Variants in LIN7A observed in about 807,000 individuals in gnomAD.
The protein encoded by LIN7A is protein lin-7 homolog A.
In LIN7A, 25 loss-of-function variants were observed where a neutral mutation model predicts 29.8. That is an observed-to-expected ratio of 0.84 (90% CI 0.61 to 1.17). LIN7A has a LOEUF of 1.17. Among genes scored for constraint, LIN7A ranks in the 50% most tolerant of loss-of-function variants. The pLI, the probability that LIN7A is intolerant of heterozygous loss-of-function variation, is 0.00. For missense variants in LIN7A, 239 were observed against 287.0 expected (o/e 0.83, Z 1.21); for synonymous variants, 118 against 107.5 (o/e 1.10, Z -0.60).
intron 3 of LIN7A, 118 bp downstream of exon 3, chr12:80,848,133 C>T (rs771043383): frequency 3.9e-6 from 3 of 767,650 alleles, no homozygotes; most frequent in Admixed American, 2.0e-5. Flanking sequence ...CTCTGGGCTG[C>T]CACTGATGTC....
chr12:80,801,836 G>A (rs76890969), intron 5 of LIN7A, among the ~76,000 whole-genome samples: 2,425 of 150,708 alleles, frequency 0.016, 62 homozygotes, highest in African/African-American at 0.056. Context: ...TTCTTTCCCC[G>A]ATCACCCTTC....
intron 2 of LIN7A, among the ~76,000 whole-genome samples, chr12:80,876,078 C>A (rs2400845): frequency 6.7e-6 from 1 of 148,376 alleles, no homozygotes. Context: ...CACACACACA[C>A]ACAGAGAGAG....
At chr12:80,849,153 A>G (rs1040238913) in intron 2 of LIN7A, among the ~76,000 whole-genome samples, 14 of 152,142 alleles carry the variant, frequency 9.2e-5, no homozygotes, top group Non-Finnish European at 5.9e-5. Flanking sequence ...TTAGCTCTGA[A>G]TCTCCACTTA....
intron 4 of LIN7A, among the ~76,000 whole-genome samples, chr12:80,836,385 G>C (rs545924268): frequency 6.6e-6 from 1 of 152,304 alleles, no homozygotes; most frequent in Admixed American, 6.5e-5. Flanking sequence ...TCCTGGCATG[G>C]TGGCTCAACA....
At chr12:80,901,030 T>C (rs1592936499) in intron 1 of LIN7A, among the ~76,000 whole-genome samples, 1 of 152,156 alleles carries the variant, frequency 6.6e-6, no homozygotes, top group East Asian at 1.9e-4. Flanking sequence ...CTGGGGAAGA[T>C]ATTTTAAAGT....
chr12:80,882,499 TG>T (rs1457615093), intron 2 of LIN7A, among the ~76,000 whole-genome samples: 33 of 151,128 alleles, frequency 2.2e-4, no homozygotes, highest in East Asian at 1.8e-3. Flanking sequence ...TTAGCCGGGA[TG>T]GTCTCGATCT....
intron 1 of LIN7A, among the ~76,000 whole-genome samples, chr12:80,924,988 T>C (rs1317698546): frequency 6.6e-6 from 1 of 152,188 alleles, no homozygotes; most frequent in African/African-American, 2.4e-5. Flanking sequence ...AGAGAATAAA[T>C]GTAGGAAATT....
chr12:80,877,513 T>C (rs1874772116), intron 2 of LIN7A, among the ~76,000 whole-genome samples: 1 of 151,902 alleles, frequency 6.6e-6, no homozygotes, highest in African/African-American at 2.4e-5. Context: ...AATACTGCAA[T>C]CAGACTATAT....
chr12:80,807,081 T>TTTTTTTGTTG (rs1555221383), intron 5 of LIN7A, among the ~76,000 whole-genome samples: 2 of 135,582 alleles, frequency 1.5e-5, no homozygotes, highest in African/African-American at 5.8e-5. Flanking sequence ...TTTTTTTTTT[T>TTTTTTTGTTG]TTTTTTTTTT....
At chr12:80,881,985 A>T (rs1172023319) in intron 2 of LIN7A, among the ~76,000 whole-genome samples, 1 of 152,146 alleles carries the variant, frequency 6.6e-6, no homozygotes, top group African/African-American at 2.4e-5. Context: ...AATATCACCA[A>T]GTTCTTAACT....
chr12:80,828,040 T>C (rs190236205), intron 4 of LIN7A, among the ~76,000 whole-genome samples: 1 of 152,308 alleles, frequency 6.6e-6, no homozygotes, highest in East Asian at 1.9e-4. Context: ...GAGATGCAGA[T>C]TAAATCTAAA....
At chr12:80,864,423 G>A (rs1428649763) in intron 2 of LIN7A, among the ~76,000 whole-genome samples, 1 of 151,844 alleles carries the variant, frequency 6.6e-6, no homozygotes, top group Non-Finnish European at 1.5e-5. Flanking sequence ...ATTTTAGGAT[G>A]AAAGCATTTG....
intron 1 of LIN7A, chr12:80,937,395 A>T (rs1878296574): frequency 5.3e-6 from 2 of 380,622 alleles, no homozygotes; most frequent in Admixed American, 9.1e-5. Flanking sequence ...GGCAGCGGGG[A>T]CCCCAGAGCC....
chr12:80,842,285 A>C (rs1872859981), intron 4 of LIN7A, among the ~76,000 whole-genome samples: 1 of 152,124 alleles, frequency 6.6e-6, no homozygotes, highest in Non-Finnish European at 1.5e-5. Context: ...AAAGTAAAGA[A>C]ATTATTCCAT....
chr12:80,813,131 C>T (rs1054399368), intron 4 of LIN7A, among the ~76,000 whole-genome samples: 6 of 152,134 alleles, frequency 3.9e-5, no homozygotes, highest in African/African-American at 1.4e-4. Flanking sequence ...CTGCCTCAGC[C>T]TCCCGAGTAG....
intron 2 of LIN7A, among the ~76,000 whole-genome samples, chr12:80,871,030 G>A (rs1245307344): frequency 6.6e-6 from 1 of 152,124 alleles, no homozygotes; most frequent in Non-Finnish European, 1.5e-5. Context: ...AATGATCTAA[G>A]CCCCAAGGTC....
intron 1 of LIN7A, among the ~76,000 whole-genome samples, chr12:80,891,533 T>C (rs1163684): frequency 0.68 from 103,452 of 152,056 alleles, 39,144 homozygotes; most frequent in Non-Finnish European, 0.87. Context: ...CATTCATTTA[T>C]GCAGTAGTGC....
chr12:80,807,132 C>T (rs867815353), intron 5 of LIN7A, among the ~76,000 whole-genome samples: 13 of 127,176 alleles, frequency 1.0e-4, no homozygotes, highest in Non-Finnish European at 1.7e-4. Flanking sequence ...AGTGCAGTGG[C>T]GCGATCTTGG....
intron 1 of LIN7A, among the ~76,000 whole-genome samples, chr12:80,893,506 A>G (rs922448193): frequency 3.3e-5 from 5 of 152,200 alleles, no homozygotes; most frequent in African/African-American, 1.2e-4. Flanking sequence ...AAGACTTATA[A>G]AAGCTGAGCC....
Sources: gnomAD v4.1 joint callset for allele counts (sites outside exome capture counted in the v4.1 genomes callset) on GRCh38, gnomAD v4.1.1 for gene constraint, MANE v1.5 for transcripts, NCBI Gene and HGNC (gene_info 2026-07-23, HGNC 2026-07-21) for gene names.